The following NOP14 variants were observed in gnomAD, a reference collection of about 807,000 sequenced individuals.
NOP14 encodes the protein NOP14 nucleolar protein.
NOP14 carries 57 observed loss-of-function variants against 101.6 expected under a neutral mutation model. That is an observed-to-expected ratio of 0.56 (90% CI 0.45 to 0.70). NOP14 has a LOEUF of 0.70. Ranked by LOEUF, NOP14 falls within the 30% of genes least tolerant of loss-of-function variation. The pLI is 0.00. For missense variants in NOP14, 1,134 were observed against 1,075.5 expected (o/e 1.05, Z -0.76); for synonymous variants, 428 against 424.0 (o/e 1.01, Z -0.12).
rs933604035 is a variant in NOP14 at position 2,945,378 on chromosome 4, C to T, written c.1636-149G>A. ...GAGCTCTGGCCTCAGTGTCACAGAA[C>T]AGGCGTCCAACCACCGTGGGTCAAC... is the stretch of plus-strand genomic sequence containing the variant. On this transcript the variant is annotated intron_variant, in intron 11 of 17. Coordinates refer to ENST00000416614, the MANE Select transcript of NOP14 (RefSeq NM_001291978.2). 1.7e-5 allele frequency: 11 copies of T among 633,608 alleles called. No homozygotes were observed. The African/African-American group carries it at 1.8e-4, about 10-fold the overall frequency. The allele number at this position is 633,608 out of a possible 1,614,324, so 39.2% of individuals were successfully genotyped here. A position where few individuals can be genotyped will look rare whatever the true frequency, so the allele number is the denominator to read the frequency against.
In NOP14 at chr4:2,938,735, T is replaced by C. The variant is rs1456204463; in HGVS notation, c.*96A>G. 9.9e-7 allele frequency: 1 copy of C among 1,006,618 alleles called. No individual in the cohort carries two copies. The highest frequency in any genetic ancestry group is 1.5e-6 in the Non-Finnish European group (1 of 661,234). 62.4% of individuals were successfully genotyped at this position (1,006,618 alleles called of 1,614,324 possible). On this transcript the variant is annotated 3_prime_UTR_variant, in exon 18 of 18. Transcript: ENST00000416614. ...GTTGCCCAGGCTGGTCTCGAACTCCTGGGCTGAAGCAATCTTCCTGCCTTG... is the reference window on the plus strand; with the variant it reads ...GTTGCCCAGGCTGGTCTCGAACTCCCGGGCTGAAGCAATCTTCCTGCCTTG...
rs1283426277 is a variant in NOP14 at position 2,960,918 on chromosome 4, ATCGAT to A, written c.195+2202_195+2206del. Among the ~76,000 whole-genome samples the A allele has an allele frequency of 6.8e-5, 5 of 73,196 alleles. 1 individual carries two copies. The highest frequency in any genetic ancestry group is 1.1e-4 in the Non-Finnish European group (4 of 36,484). The allele number at this position is 73,196 out of a possible 152,430, so 48.0% of individuals were successfully genotyped here. ...TATATCAATATTATATTAATATTATATCGATATTATTTTAATATTATATCAATATT... is the reference window on the plus strand; with the variant it reads ...TATATCAATATTATATTAATATTATAATTATTTTAATATTATATCAATATT... On this transcript the variant is annotated intron_variant, in intron 1 of 17. Coordinates refer to ENST00000416614, the MANE Select transcript of NOP14 (RefSeq NM_001291978.2).
At chr4:2,948,482 T>A in intron 8 of NOP14, 74 bp from the exon 9 acceptor site, 1 of 1,205,548 alleles carries the variant, frequency 8.3e-7, no homozygotes, top group East Asian at 3.5e-5. Flanking sequence ...TGAGATGGAG[T>A]CTCGCTCTGT....
rs1038557352 is a variant in NOP14, at chr4:2,938,624, G to A, written c.*207C>T. ...CAGCTCAAGCAGTCCTCCTGCTTCAGCCTCCCGAGTAGTTGGGACTACAGG... is the reference window on the plus strand; with the variant it reads ...CAGCTCAAGCAGTCCTCCTGCTTCAACCTCCCGAGTAGTTGGGACTACAGG... On this transcript the variant is annotated 3_prime_UTR_variant, in exon 18 of 18. Transcript: ENST00000416614. The A allele has an allele frequency of 3.9e-5, 22 of 564,000 alleles. No homozygotes were observed. Among genetic ancestry groups the A allele is most frequent in the African/African-American group, 3.8e-4 (20 of 53,062 alleles). The allele number at this position is 564,000 out of a possible 1,614,324, so 34.9% of individuals were successfully genotyped here.
chr4:2,950,141 CGTT>C lies in NOP14; in HGVS notation c.1072_1074del (p.Asn358del). 1 of 1,614,184 alleles carries C rather than the reference CGTT, an allele frequency of 6.2e-7. No homozygotes were observed. ...CCGCCTGAACTGTCACCTTCTTCCTCGTTGCTCTCAGGGTCACTGGCTTCCTTG... is the reference window on the plus strand; with the variant it reads ...CCGCCTGAACTGTCACCTTCTTCCTCGCTCTCAGGGTCACTGGCTTCCTTG... On this transcript the variant is annotated inframe_deletion, in exon 8 of 18. Coordinates refer to ENST00000416614, the MANE Select transcript of NOP14 (RefSeq NM_001291978.2).
Position 2,945,212 on chromosome 4 carries a change from G to A in NOP14, c.1653C>T (p.Ile551=), listed in dbSNP as rs1714533479. The change falls in exon 12 of 18, where the codon ATC becomes ATT. Residue 551 remains isoleucine, a synonymous_variant. Coordinates refer to ENST00000416614, the MANE Select transcript of NOP14 (RefSeq NM_001291978.2). ...PGLDVLIYLK[I]TGLLFPTSDF... ...CGGAAGTTGGAAATAGCAGCCCAGT[G>A]ATTTTCAAATAAATGAGCTGGAAAG... The A allele has an allele frequency of 6.4e-7, 1 of 1,572,990 alleles. No individual in the cohort carries two copies. Among genetic ancestry groups the A allele is most frequent in the Non-Finnish European group, 8.6e-7 (1 of 1,158,170 alleles).
At chr4:2,947,022 C>G in intron 10 of NOP14, 1 of 211,898 alleles carries the variant, frequency 4.7e-6, no homozygotes, top group Admixed American at 5.3e-5. Context: ...ATTCTTCCAG[C>G]CACCAGCCCT....
intron 8 of NOP14, 54 bp downstream of exon 8, chr4:2,949,880 G>A (rs1714897317): frequency 1.2e-6 from 2 of 1,601,150 alleles, no homozygotes; most frequent in Non-Finnish European, 1.7e-6. Flanking sequence ...ACACAGCTAT[G>A]GCCAGGTCAT....
intron 1 of NOP14, among the ~76,000 whole-genome samples, chr4:2,959,439 A>G (rs1393120021): frequency 6.6e-6 from 1 of 152,002 alleles, no homozygotes; most frequent in Non-Finnish European, 1.5e-5. Context: ...AAAAATACAA[A>G]AAAATTAGCC....
At chr4:2,955,340 C>T (rs71608246) in intron 3 of NOP14, among the ~76,000 whole-genome samples, 3 of 78,022 alleles carry the variant, frequency 3.8e-5, no homozygotes, top group Admixed American at 3.3e-4. Context: ...GTCACCTGCA[C>T]GCCACGGCGC....
chr4:2,962,638 A>G (rs902371940), intron 1 of NOP14, among the ~76,000 whole-genome samples: 1 of 152,054 alleles, frequency 6.6e-6, no homozygotes, highest in Admixed American at 6.6e-5. Context: ...CAACCTGCTA[A>G]TGTATGTTCC....
In NOP14 at chr4:2,948,412, T is replaced by A; in HGVS notation, c.1283-4A>T. ...AGTTCCTCATAGGATTCAGGGGCTA[T>A]CAAAAACACAAAACATACTGCACAT... On this transcript the variant is annotated splice_region_variant and splice_polypyrimidine_tract_variant and intron_variant, in intron 8 of 17. Coordinates refer to ENST00000416614, the MANE Select transcript of NOP14 (RefSeq NM_001291978.2). 6.2e-7 allele frequency: 1 copy of A among 1,603,936 alleles called. No individual in the cohort carries two copies. The highest frequency in any genetic ancestry group is 8.5e-7 in the Non-Finnish European group (1 of 1,176,608).
intron 13 of NOP14, 105 bp from the exon 14 acceptor site, chr4:2,942,456 A>AC: frequency 8.6e-7 from 1 of 1,158,038 alleles, no homozygotes; most frequent in Non-Finnish European, 1.2e-6. Flanking sequence ...ACAGACGCAC[A>AC]CCGATTTTTA....
chr4:2,944,223 G>A lies in NOP14; in HGVS notation c.1741C>T (p.Pro581Ser), dbSNP rs1714439906. The A allele has an allele frequency of 6.2e-7, 1 of 1,611,050 alleles. No individual in the cohort carries two copies. The highest frequency in any genetic ancestry group is 8.5e-7 in the Non-Finnish European group (1 of 1,179,186). The change falls in exon 13 of 18, where the codon CCC becomes TCC. Residue 581 changes from proline (P) to serine (S), a missense_variant. Pro to Ser is a moderately conservative substitution (Grantham distance 74, BLOSUM62 -1). Coordinates refer to ENST00000416614, the MANE Select transcript of NOP14 (RefSeq NM_001291978.2). The stretch of plus-strand genomic sequence containing the variant: ...ACCACGTCCTGGAGGGACAGGATGG[G>A]GCACTGGAAAGGAACATATGGGGGG... ...VCLSQLLTKC[P>S]ILSLQDVVKG...
At chr4:2,943,019 T>C (rs57191180) in intron 13 of NOP14, among the ~76,000 whole-genome samples, 72,298 of 152,052 alleles carry the variant, frequency 0.48, 18,580 homozygotes, top group African/African-American at 0.67. Context: ...CACCCCTTCC[T>C]TGACTCCACC....
Position 2,942,357 on chromosome 4 carries a change from T to C in NOP14, c.1892-6A>G, listed in dbSNP as rs767879615. 6.2e-7 allele frequency: 1 copy of C among 1,612,472 alleles called. No homozygotes were observed. Among genetic ancestry groups the C allele is most frequent in the South Asian group, 1.1e-5 (1 of 90,962 alleles). ...AGGGTGCACCAGAGTGGAACCTGAA[T>C]TCCAAGTGCGACAGGACAGAGATGG... On this transcript the variant is annotated splice_polypyrimidine_tract_variant and splice_region_variant and intron_variant, in intron 13 of 17. Transcript: ENST00000416614.
intron 1 of NOP14, among the ~76,000 whole-genome samples, chr4:2,959,464 G>A (rs993542009): frequency 2.6e-5 from 4 of 152,024 alleles, no homozygotes; most frequent in Admixed American, 2.0e-4. Flanking sequence ...GTGGTGGCGG[G>A]CGCCTGTAGT....
rs1715084822 is a variant in NOP14, at chr4:2,952,362, G to A, written c.783C>T (p.Gly261=). Residue 261 remains glycine (G), a synonymous_variant, in exon 6 of 18, where the codon GGC becomes GGT. Coordinates refer to ENST00000416614, the MANE Select transcript of NOP14 (RefSeq NM_001291978.2). ...TAGAGGGCTGCGCCTTCATTTCAAA[G>A]CCAAGCTCGCGAACCATCATGTCAT... The part of the protein sequence containing the change: ...DAYDMMVREL[G]FEMKAQPSNR... 2 of 1,613,232 alleles carry A rather than the reference G, an allele frequency of 1.2e-6. No homozygotes were observed. Among genetic ancestry groups the A allele is most frequent in the East Asian group, 2.2e-5 (1 of 44,832 alleles).
In NOP14 at chr4:2,938,630, C is replaced by G. The variant is rs898234196; in HGVS notation, c.*201G>C. The G allele has an allele frequency of 5.3e-6, 3 of 570,018 alleles. No individual in the cohort carries two copies. Among genetic ancestry groups the G allele is most frequent in the Non-Finnish European group, 9.3e-6 (3 of 322,436 alleles). The allele number at this position is 570,018 out of a possible 1,614,324, so 35.3% of individuals were successfully genotyped here. ...AAGCAGTCCTCCTGCTTCAGCCTCCCGAGTAGTTGGGACTACAGGTGCGTG... is the reference window on the plus strand; with the variant it reads ...AAGCAGTCCTCCTGCTTCAGCCTCCGGAGTAGTTGGGACTACAGGTGCGTG... On this transcript the variant is annotated 3_prime_UTR_variant, in exon 18 of 18. Transcript: ENST00000416614.
Sources: allele counts gnomAD v4.1 joint callset (sites outside exome capture counted in the v4.1 genomes callset), GRCh38; gene constraint gnomAD v4.1.1; transcripts MANE v1.5; gene names NCBI Gene and HGNC (gene_info 2026-07-23, HGNC 2026-07-21).